Variants in CTSL observed in about 807,000 individuals in gnomAD.
CTSL encodes the protein procathepsin L.
CTSL carries 23 observed loss-of-function variants against 34.7 expected under a neutral mutation model. The ratio of observed to expected loss-of-function variants is 0.66; its 90% CI spans 0.48 to 0.94. The LOEUF is 0.94. CTSL is among the 40% of genes least tolerant of loss of function. The pLI is 0.00. For synonymous variants in CTSL, 129 were observed against 136.7 expected (o/e 0.94, Z 0.39); for missense variants, 361 against 406.3 (o/e 0.89, Z 0.96).
In CTSL at chr9:87,728,376, G is replaced by C; in HGVS notation, c.376G>C (p.Val126Leu). 1.2e-6 allele frequency: 2 copies of C among 1,614,006 alleles called. No homozygotes were observed. The highest frequency in any genetic ancestry group is 1.7e-6 in the Non-Finnish European group (2 of 1,179,978). Residue 126 changes from valine to leucine, a missense_variant, in exon 4 of 8, where the codon GTG becomes CTG. Coordinates refer to ENST00000343150, the MANE Select transcript of CTSL (RefSeq NM_001912.5). ...RSVDWREKGYVTPVKNQGQCG... is the reference protein window; with the variant it reads ...RSVDWREKGYLTPVKNQGQCG... The stretch of plus-strand genomic sequence containing the variant: ...TGTGGATTGGAGAGAGAAAGGCTAC[G>C]TGACTCCTGTGAAGAATCAGGTGAG...
Position 87,730,341 on chromosome 9 carries a change from T to C in CTSL, c.785-40T>C, listed in dbSNP as rs113353789. ...CAGGATGGGTTACTGTCATGTGTCC[T>C]CTGGAGCTTCTCACCCCAGCCCTCA... On this transcript the variant is annotated intron_variant, in intron 6 of 7. Coordinates refer to ENST00000343150, the MANE Select transcript of CTSL (RefSeq NM_001912.5). The C allele has an allele frequency of 1.5e-3, 2,180 of 1,425,796 alleles. 30 individuals are homozygous for C. In the African/African-American group the frequency reaches 0.027, roughly 18 times the overall value. 88.3% of individuals were successfully genotyped at this position (1,425,796 alleles called of 1,614,324 possible). A position where few individuals can be genotyped will look rare whatever the true frequency, so the allele number is the denominator to read the frequency against.
chr9:87,729,875 AAT>A, intron 6 of CTSL, 140 bp downstream of exon 6: 1 of 711,750 alleles, frequency 1.4e-6, no homozygotes. Flanking sequence ...CTGTACATGC[AAT>A]ATTTATACCT....
Position 87,727,693 on chromosome 9 carries a change from C to G in CTSL, c.90C>G (p.Thr30=). The change falls in exon 2 of 8, where the codon ACC becomes ACG. Residue 30 remains threonine, a synonymous_variant. Transcript: ENST00000343150. Reference sequence around the variant, plus strand: ...ATCACAGTTTAGAGGCACAGTGGACCAAGTGGAAGGCGATGCACAACAGAT... The same window carrying G: ...ATCACAGTTTAGAGGCACAGTGGACGAAGTGGAAGGCGATGCACAACAGAT... ...TFDHSLEAQW[T]KWKAMHNRLY... The G allele has an allele frequency of 1.2e-6, 2 of 1,614,084 alleles. No homozygotes were observed. The highest frequency in any genetic ancestry group is 1.7e-6 in the Non-Finnish European group (2 of 1,180,026).
intron 2 of CTSL, 139 bp downstream of exon 2, chr9:87,727,868 C>T (rs903668088): frequency 2.2e-6 from 3 of 1,395,162 alleles, no homozygotes; most frequent in African/African-American, 2.8e-5. Flanking sequence ...TGTGGACATT[C>T]ATCCTTGTTG....
Position 87,728,061 on chromosome 9 carries a change from A to T in CTSL, c.161A>T (p.Lys54Met), listed in dbSNP as rs1174143401. The T allele has an allele frequency of 6.2e-7, 1 of 1,613,984 alleles. No individual in the cohort carries two copies. Among genetic ancestry groups the T allele is most frequent in the Non-Finnish European group, 8.5e-7 (1 of 1,179,914 alleles). The change falls in exon 3 of 8, where the codon AAG becomes ATG. Residue 54 changes from lysine (K) to methionine (M), a missense_variant. Lys to Met is a moderately conservative substitution (Grantham distance 95, BLOSUM62 -1). Coordinates refer to ENST00000343150, the MANE Select transcript of CTSL (RefSeq NM_001912.5). ...EEGWRRAVWE[K>M]NMKMIELHNQ... Reference sequence around the variant, plus strand: ...GGATGGAGGAGAGCAGTGTGGGAGAAGAACATGAAGATGATTGAACTGCAC... The same window carrying T: ...GGATGGAGGAGAGCAGTGTGGGAGATGAACATGAAGATGATTGAACTGCAC...
At chr9:87,730,081 T>C (rs1391590674) in intron 6 of CTSL, among the ~76,000 whole-genome samples, 2 of 152,246 alleles carry the variant, frequency 1.3e-5, no homozygotes, top group Admixed American at 6.5e-5. Context: ...TCAAGGATTT[T>C]AGTGTTCTGT....
At chr9:87,730,764 A>T (rs543376123) in intron 7 of CTSL, among the ~76,000 whole-genome samples, 1 of 152,358 alleles carries the variant, frequency 6.6e-6, no homozygotes, top group East Asian at 1.9e-4. Flanking sequence ...CTGGCTGCAA[A>T]GACATCCTAT....
At position 87,730,387 on chromosome 9, in the gene CTSL, A is replaced by G; in HGVS notation, c.791A>G (p.Tyr264Cys). The G allele has an allele frequency of 6.2e-7, 1 of 1,607,428 alleles. No homozygotes were observed. The highest frequency in any genetic ancestry group is 8.5e-7 in the Non-Finnish European group (1 of 1,177,674). Residue 264 changes from tyrosine (Y) to cysteine (C), a missense_variant, in exon 7 of 8, where the codon TAT becomes TGT. Tyr to Cys is a radical substitution (Grantham distance 194). Transcript: ENST00000343150. The stretch of plus-strand genomic sequence containing the variant: ...CCTCATTTTACCATCCCAGGCATTT[A>G]TTTTGAGCCAGACTGTAGCAGTGAA... ...ESFLFYKEGIYFEPDCSSEDM... is the reference protein window; with the variant it reads ...ESFLFYKEGICFEPDCSSEDM...
chr9:87,728,312 A>G lies in CTSL; in HGVS notation c.312A>G (p.Lys104=), dbSNP rs773791760. 6.2e-7 allele frequency: 1 copy of G among 1,614,178 alleles called. No individual in the cohort carries two copies. Among genetic ancestry groups the G allele is most frequent in the Non-Finnish European group, 8.5e-7 (1 of 1,180,030 alleles). ...GFQNRKPRKG[K]VFQEPLFYEA... is the part of the protein sequence containing the mutation. ...AAAACCGTAAGCCCAGGAAGGGGAA[A>G]GTGTTCCAGGAACCTCTGTTTTATG... Residue 104 remains lysine (K), a synonymous_variant, in exon 4 of 8, where the codon AAA becomes AAG. Transcript: ENST00000343150.
At chr9:87,728,975 C>G in intron 5 of CTSL, 166 bp downstream of exon 5, 1 of 1,445,284 alleles carries the variant, frequency 6.9e-7, no homozygotes, top group East Asian at 2.5e-5. Context: ...GGCTTAAGCT[C>G]AGGAGTTTGA....
In CTSL at chr9:87,728,614, T is replaced by C. The variant is rs1169176030; in HGVS notation, c.426T>C (p.Ser142=). 20 of 1,614,178 alleles carry C rather than the reference T, an allele frequency of 1.2e-5. No individual in the cohort carries two copies. Among genetic ancestry groups the C allele is most frequent in the Non-Finnish European group, 1.6e-5 (19 of 1,180,040 alleles). The part of the protein sequence containing the change: ...QGQCGSCWAF[S]ATGALEGQMF... ...AGTGTGGTTCTTGTTGGGCTTTTAG[T>C]GCTACTGGTGCTCTTGAAGGACAGA... The change falls in exon 5 of 8, where the codon AGT becomes AGC. Residue 142 remains serine, a synonymous_variant. Transcript: ENST00000343150.
In CTSL at chr9:87,727,637, C is replaced by T. The variant is rs1263878678; in HGVS notation, c.34C>T (p.Leu12=). 2 of 1,613,942 alleles carry T rather than the reference C, an allele frequency of 1.2e-6. No homozygotes were observed. The highest frequency in any genetic ancestry group is 2.7e-5 in the African/African-American group (2 of 74,886). Residue 12 remains leucine, a synonymous_variant, in exon 2 of 8, where the codon CTG becomes TTG. Coordinates refer to ENST00000343150, the MANE Select transcript of CTSL (RefSeq NM_001912.5). ...TACACTCATCCTTGCTGCCTTTTGC[C>T]TGGGAATTGCCTCAGCTACTCTAAC... is the stretch of plus-strand genomic sequence containing the variant. ...NPTLILAAFC[L]GIASATLTFD... is the part of the protein sequence containing the mutation.
rs112682750 is a variant in CTSL, at chr9:87,727,608, A to C, written c.5A>C (p.Asn2Thr). The change falls in exon 2 of 8, where the codon AAT becomes ACT. Residue 2 changes from asparagine (N) to threonine (T), a missense_variant. Asn to Thr is a moderately conservative substitution (Grantham distance 65). Transcript: ENST00000343150. ...TCCCTTCCTAGGTTTTAAAACATGA[A>C]TCCTACACTCATCCTTGCTGCCTTT... MNPTLILAAFCL... is the reference protein window; with the variant it reads MTPTLILAAFCL... 6.0e-3 allele frequency: 9,730 copies of C among 1,614,102 alleles called. 40 individuals carry two copies. Among genetic ancestry groups the C allele is most frequent in the Non-Finnish European group, 7.4e-3 (8,729 of 1,180,014 alleles).
Position 87,728,687 on chromosome 9 carries a change from G to A in CTSL, c.499G>A (p.Val167Ile), listed in dbSNP as rs759439709. 6.2e-7 allele frequency: 1 copy of A among 1,613,992 alleles called. No homozygotes were observed. Among genetic ancestry groups the A allele is most frequent in the Admixed American group, 1.7e-5 (1 of 59,976 alleles). The change falls in exon 5 of 8, where the codon GTA becomes ATA. Residue 167 changes from valine to isoleucine, a missense_variant. Coordinates refer to ENST00000343150, the MANE Select transcript of CTSL (RefSeq NM_001912.5). ...TATCTCACTGAGTGAGCAGAATCTG[G>A]TAGACTGCTCTGGGCCTCAAGGCAA... ...RLISLSEQNL[V>I]DCSGPQGNEG...
intron 7 of CTSL, 85 bp downstream of exon 7, chr9:87,730,583 C>A: frequency 1.1e-6 from 1 of 888,174 alleles, no homozygotes. Flanking sequence ...TTCCACATGC[C>A]CTTAGGCATA....
In CTSL at chr9:87,731,189, G is replaced by T. The variant is rs185741972; in HGVS notation, c.*82G>T. On this transcript the variant is annotated 3_prime_UTR_variant, in exon 8 of 8. Transcript: ENST00000343150. ...ATTCATCTTCAGTCTACCAGCCCCC[G>T]CTGTGTCGGATACACACTCGAATCA... is the stretch of plus-strand genomic sequence containing the variant. The T allele has an allele frequency of 2.1e-4, 205 of 994,588 alleles. No homozygotes were observed. The African/African-American group carries it at 2.7e-3, about 13-fold the overall frequency. 61.6% of individuals were successfully genotyped at this position (994,588 alleles called of 1,614,324 possible). A position where few individuals can be genotyped will look rare whatever the true frequency, so the allele number is the denominator to read the frequency against.
chr9:87,728,302 G>C lies in CTSL; in HGVS notation c.302G>C (p.Arg101Thr). 6.2e-7 allele frequency: 1 copy of C among 1,614,206 alleles called. No individual in the cohort carries two copies. The highest frequency in any genetic ancestry group is 8.5e-7 in the Non-Finnish European group (1 of 1,180,034). The change falls in exon 4 of 8, where the codon AGG becomes ACG. Residue 101 changes from arginine (R) to threonine (T), a missense_variant. Physicochemically the swap from Arg to Thr is moderately conservative, Grantham distance 71. Coordinates refer to ENST00000343150, the MANE Select transcript of CTSL (RefSeq NM_001912.5). ...VMNGFQNRKP[R>T]KGKVFQEPLF... ...AATGGCTTTCAAAACCGTAAGCCCA[G>C]GAAGGGGAAAGTGTTCCAGGAACCT...
rs1187745382 is a variant in CTSL, at chr9:87,727,739, A to T, written c.126+10A>T. The T allele has an allele frequency of 6.2e-7, 1 of 1,613,974 alleles. No homozygotes were observed. The highest frequency in any genetic ancestry group is 1.1e-5 in the South Asian group (1 of 90,990). On this transcript the variant is annotated intron_variant, in intron 2 of 7. Transcript: ENST00000343150. ...CAGATTATACGGCATGGTTAGTGAA[A>T]CTTCCCCAGAAAGAATAGTCCTGGC...
At position 87,731,113 on chromosome 9, in the gene CTSL, T is replaced by A; in HGVS notation, c.*6T>A. The A allele has an allele frequency of 1.2e-6, 2 of 1,610,334 alleles. No homozygotes were observed. Among genetic ancestry groups the A allele is most frequent in the Admixed American group, 3.3e-5 (2 of 59,974 alleles). On this transcript the variant is annotated 3_prime_UTR_variant, in exon 8 of 8. Transcript: ENST00000343150. ...CCAGCTACCCCACTGTGTGAGCTGGTGGACGGTGATGAGGAAGGACTTGAC... is the reference window on the plus strand; with the variant it reads ...CCAGCTACCCCACTGTGTGAGCTGGAGGACGGTGATGAGGAAGGACTTGAC...
Sources: gnomAD v4.1 joint callset for allele counts (sites outside exome capture counted in the v4.1 genomes callset) on GRCh38, gnomAD v4.1.1 for gene constraint, MANE v1.5 for transcripts, NCBI Gene and HGNC (gene_info 2026-07-23, HGNC 2026-07-21) for gene names.